SSH2: variants seen among roughly 807,000 people sequenced by gnomAD.
SSH2 encodes the protein protein phosphatase Slingshot homolog 2.
A neutral mutation model predicts 135.2 loss-of-function variants in SSH2; 37 were observed. The observed-to-expected ratio is 0.27, with a 90% CI of 0.21 to 0.36. SSH2 has a LOEUF of 0.36. Among genes scored for constraint, SSH2 ranks in the 10% least tolerant of loss-of-function variants. The pLI is 1.00. For synonymous variants in SSH2, 628 were observed against 646.2 expected, an observed-to-expected ratio of 0.97 and a Z score of 0.43; for missense variants, 1,408 against 1,765.3, an observed-to-expected ratio of 0.80 and a Z score of 3.63.
chr17:29,929,648 T>TTTC (rs2067144212), intron 1 of SSH2, among the ~76,000 whole-genome samples: 1 of 151,964 alleles, frequency 6.6e-6, no homozygotes, highest in Non-Finnish European at 1.5e-5. Context: ...AAAGCAAGAA[T>TTTC]GACTCATTAC....
intron 4 of SSH2, among the ~76,000 whole-genome samples, chr17:29,700,249 C>A (rs1226744240): frequency 6.6e-6 from 1 of 152,144 alleles, no homozygotes; most frequent in African/African-American, 2.4e-5. Context: ...TTTATGACAA[C>A]AAGCAATCAC....
At chr17:29,663,572 C>A (rs1022751689) in intron 11 of SSH2, among the ~76,000 whole-genome samples, 2 of 151,862 alleles carry the variant, frequency 1.3e-5, no homozygotes, top group Non-Finnish European at 2.9e-5. Flanking sequence ...TTTTTTTCCC[C>A]CAAATAAATA....
chr17:29,707,148 G>A (rs969273459), intron 3 of SSH2: 8 of 109,026 alleles, frequency 7.3e-5, no homozygotes, highest in Non-Finnish European at 1.3e-4. Context: ...GCGACACTCC[G>A]CCTCAAAAAA....
At chr17:29,809,372 C>G (rs2042402734) in intron 2 of SSH2, among the ~76,000 whole-genome samples, 1 of 152,132 alleles carries the variant, frequency 6.6e-6, no homozygotes, top group African/African-American at 2.4e-5. Context: ...TTCTTTTACC[C>G]ATATCCTACA....
At chr17:29,743,412 GT>G (rs11395406) in intron 3 of SSH2, among the ~76,000 whole-genome samples, 6 of 149,820 alleles carry the variant, frequency 4.0e-5, no homozygotes, top group African/African-American at 9.8e-5. Context: ...GGCTAGATTT[GT>G]TTTTTTTTTA....
chr17:29,866,286 T>C (rs1373898007), intron 1 of SSH2, among the ~76,000 whole-genome samples: 1 of 152,204 alleles, frequency 6.6e-6, no homozygotes, highest in Non-Finnish European at 1.5e-5. Flanking sequence ...AATGCTTGGA[T>C]TCCTAAACTA....
At chr17:29,815,996 G>A (rs1036243304) in intron 2 of SSH2, among the ~76,000 whole-genome samples, 2 of 151,814 alleles carry the variant, frequency 1.3e-5, no homozygotes, top group Admixed American at 6.6e-5. Flanking sequence ...CTACAGGCGC[G>A]CACCACCACA....
At chr17:29,918,055 G>A (rs1242533852) in intron 1 of SSH2, among the ~76,000 whole-genome samples, 1 of 151,852 alleles carries the variant, frequency 6.6e-6, no homozygotes, top group East Asian at 1.9e-4. Flanking sequence ...GGTGGCGTGA[G>A]CATCTGTGAT....
At chr17:29,833,072 G>C (rs2042876106) in intron 2 of SSH2, among the ~76,000 whole-genome samples, 3 of 152,198 alleles carry the variant, frequency 2.0e-5, no homozygotes, top group Admixed American at 1.3e-4. Flanking sequence ...GTAGCCATTG[G>C]AAGAAATGTT....
intron 1 of SSH2, among the ~76,000 whole-genome samples, chr17:29,908,898 G>A (rs868608027): frequency 7.9e-5 from 12 of 151,462 alleles, no homozygotes; most frequent in African/African-American, 2.9e-4. Flanking sequence ...CTAACACGGT[G>A]AAACCCCATC....
chr17:29,823,607 C>G (rs557547572), intron 2 of SSH2, among the ~76,000 whole-genome samples: 1 of 152,072 alleles, frequency 6.6e-6, no homozygotes, highest in African/African-American at 2.4e-5. Context: ...GGGTCGGGTG[C>G]GGTCTCATGC....
At chr17:29,660,734 C>T (rs989560340) in intron 11 of SSH2, among the ~76,000 whole-genome samples, 3 of 152,040 alleles carry the variant, frequency 2.0e-5, no homozygotes, top group Non-Finnish European at 2.9e-5. Context: ...TCTCCCTTTC[C>T]TTCATGACTT....
rs1313720457 is a variant in SSH2, at chr17:29,843,559, GA to G, written c.144+5289del. On this transcript the variant is annotated intron_variant, in intron 2 of 15. Coordinates refer to ENST00000540801, the MANE Select transcript of SSH2 (RefSeq NM_001282129.2). Reference sequence around the variant, plus strand: ...GTGACAGAGGGAGACTCAGTCTCAAGAAAAAAAAAAAAAAATTACTATAGCA... The same window carrying G: ...GTGACAGAGGGAGACTCAGTCTCAAGAAAAAAAAAAAAAATTACTATAGCA... Among the ~76,000 whole-genome samples the G allele has an allele frequency of 7.4e-3, 905 of 122,772 alleles. 4 individuals carry two copies. Among genetic ancestry groups the G allele is most frequent in the Non-Finnish European group, 9.9e-3 (556 of 55,938 alleles). 80.5% of individuals were successfully genotyped at this position (122,772 alleles called of 152,430 possible). A position where few individuals can be genotyped will look rare whatever the true frequency, so the allele number is the denominator to read the frequency against.
At chr17:29,673,976 C>T (rs2037602532) in intron 8 of SSH2, 1 of 375,164 alleles carries the variant, frequency 2.7e-6, no homozygotes, top group African/African-American at 2.1e-5. Flanking sequence ...ATTCTTAGAG[C>T]TAAAATCTTT....
chr17:29,645,492 T>G (rs933116175), intron 14 of SSH2: 3 of 151,934 alleles, frequency 2.0e-5, no homozygotes, highest in African/African-American at 7.3e-5. Context: ...CCACACACAT[T>G]AAAAAAACCC....
intron 2 of SSH2, among the ~76,000 whole-genome samples, chr17:29,815,243 C>G (rs575939587): frequency 1.3e-5 from 2 of 152,082 alleles, no homozygotes; most frequent in South Asian, 4.1e-4. Context: ...CCTGCCTCAG[C>G]CTCCCGAGTA....
At chr17:29,765,946 G>A (rs1291259055) in intron 3 of SSH2, among the ~76,000 whole-genome samples, 5 of 148,974 alleles carry the variant, frequency 3.4e-5, no homozygotes, top group Non-Finnish European at 5.9e-5. Context: ...CTTGAACCTG[G>A]GAGGCGGATG....
intron 6 of SSH2, among the ~76,000 whole-genome samples, chr17:29,678,489 A>T (rs1463158747): frequency 1.3e-5 from 2 of 152,216 alleles, no homozygotes; most frequent in African/African-American, 4.8e-5. Context: ...ACTTAACACC[A>T]GAACACACTC....
Position 29,628,126 on chromosome 17 carries a change from C to T in SSH2, c.*2715G>A, listed in dbSNP as rs1408255581. The T allele has an allele frequency of 2.0e-5, 3 of 152,202 alleles. No individual in the cohort carries two copies. The highest frequency in any genetic ancestry group is 2.9e-5 in the Non-Finnish European group (2 of 68,052). The allele number at this position is 152,202 out of a possible 1,614,324, so 9.4% of individuals were successfully genotyped here. On this transcript the variant is annotated 3_prime_UTR_variant, in exon 16 of 16. Transcript: ENST00000540801. ...GGAAAGTCCTTGACAGTTCACTGCG[C>T]ACCTCCCCTGGACACTGCTCAGCTA...
Sources: gnomAD v4.1 joint callset for allele counts (sites outside exome capture counted in the v4.1 genomes callset) on GRCh38, gnomAD v4.1.1 for gene constraint, MANE v1.5 for transcripts, NCBI Gene and HGNC (gene_info 2026-07-23, HGNC 2026-07-21) for gene names.